Variants in AXIN2 observed in about 807,000 individuals in gnomAD.
AXIN2 encodes axin-2.
A neutral mutation model predicts 74.7 loss-of-function variants in AXIN2; 21 were observed. That is an observed-to-expected ratio of 0.28 (90% CI 0.20 to 0.40). The LOEUF (loss-of-function observed/expected upper bound fraction) is 0.40. Ranked by LOEUF, AXIN2 falls within the 10% of genes least tolerant of loss-of-function variation. The pLI, the probability that AXIN2 is intolerant of heterozygous loss-of-function variation, is 1.00. For missense variants in AXIN2, 1,144 were observed against 1,111.1 expected (o/e 1.03, Z -0.42); for synonymous variants, 532 against 454.9 (o/e 1.17, Z -2.16).
chr17:65,533,877 A>G (rs758769764), intron 10 of AXIN2, 35 bp downstream of exon 10: 1 of 1,606,148 alleles, frequency 6.2e-7, no homozygotes, highest in Admixed American at 1.7e-5. Flanking sequence ...CTGAGCAAAC[A>G]AACTGAGAGC....
At position 65,536,433 on chromosome 17, in the gene AXIN2, G is replaced by T; in HGVS notation, c.2028C>A (p.Ala676=). ...NSGHPRTTPR[A]HLFTQDPAMP... ...TCGCAGGGTCCTGGGTGAACAGGTG[G>T]GCACGGGGGGTGGTGCGGGGGTGCC... The change falls in exon 8 of 11, where the codon GCC becomes GCA. Residue 676 remains alanine (A), a synonymous_variant. Coordinates refer to ENST00000307078, the MANE Select transcript of AXIN2 (RefSeq NM_004655.4). 6.2e-7 allele frequency: 1 copy of T among 1,613,478 alleles called. No homozygotes were observed. Among genetic ancestry groups the T allele is most frequent in the Non-Finnish European group, 8.5e-7 (1 of 1,179,986 alleles).
At chr17:65,538,794 A>G (rs1479549918) in intron 4 of AXIN2, among the ~76,000 whole-genome samples, 2 of 151,880 alleles carry the variant, frequency 1.3e-5, no homozygotes, top group African/African-American at 4.8e-5. Flanking sequence ...ATTTAAAAAA[A>G]TAAGATTGGA....
At position 65,537,753 on chromosome 17, in the gene AXIN2, G is replaced by C. The variant is rs1426652719; in HGVS notation, c.1283C>G (p.Ser428Cys). 1 of 1,578,652 alleles carries C rather than the reference G, an allele frequency of 6.3e-7. No individual in the cohort carries two copies. Among genetic ancestry groups the C allele is most frequent in the African/African-American group, 1.3e-5 (1 of 74,196 alleles). Residue 428 changes from serine to cysteine, a missense_variant, in exon 6 of 11, where the codon TCC becomes TGC. This residue lies in a region of AXIN2 where 1,053 missense variants were observed against 973.5 expected (regional missense o/e 1.08). Coordinates refer to ENST00000307078, the MANE Select transcript of AXIN2 (RefSeq NM_004655.4). ...CTGCGGGTCTTCCTCGTAGCTGCCG[G>C]AGGGCAGTAGGGAGAGGGGGTGCTG... ...PTQHPLSLLP[S>C]GSYEEDPQTI...
In AXIN2 at chr17:65,546,986, AC is replaced by A. The variant is rs146728646; in HGVS notation, c.956+2533del. ...CCAAGTGGACCTCACTGAACTACACACTAACCCTTGCCACCTAGAATAGGGA... is the reference window on the plus strand; with the variant it reads ...CCAAGTGGACCTCACTGAACTACACATAACCCTTGCCACCTAGAATAGGGA... On this transcript the variant is annotated intron_variant, in intron 3 of 10. Transcript: ENST00000307078. 8.5e-3 allele frequency among the ~76,000 whole-genome samples: 1,298 copies of A among 152,288 alleles called. 16 individuals carry two copies. Among genetic ancestry groups the A allele is most frequent in the African/African-American group, 0.029 (1,210 of 41,564 alleles).
chr17:65,538,385 G>A (rs201104922), intron 4 of AXIN2, 42 bp from the exon 5 acceptor site: 1 of 1,611,430 alleles, frequency 6.2e-7, no homozygotes, highest in Non-Finnish European at 8.5e-7. Flanking sequence ...ACGTTCAGCA[G>A]GCTAGGTGGG....
At chr17:65,549,469 G>A (rs749663042) in intron 3 of AXIN2, 51 bp downstream of exon 3, 18 of 1,608,052 alleles carry the variant, frequency 1.1e-5, no homozygotes, top group Middle Eastern at 2.0e-4. Flanking sequence ...TAAGTGCTCA[G>A]GTGGCATCCA....
chr17:65,559,777 G>A (rs768517939), intron 1 of AXIN2, among the ~76,000 whole-genome samples: 3 of 152,254 alleles, frequency 2.0e-5, no homozygotes, highest in Non-Finnish European at 4.4e-5. Context: ...AGAAGGGTAG[G>A]GGCTGAACGG....
intron 2 of AXIN2, among the ~76,000 whole-genome samples, chr17:65,550,000 T>G (rs1186676084): frequency 6.6e-6 from 1 of 152,180 alleles, no homozygotes; most frequent in African/African-American, 2.4e-5. Context: ...GGCCATGGAA[T>G]AGAAGAGGGG....
intron 1 of AXIN2, chr17:65,560,363 G>C (rs1452318316): frequency 6.6e-6 from 1 of 151,976 alleles, no homozygotes; most frequent in Admixed American, 6.5e-5. Context: ...ACCCGCGGCA[G>C]GGAGGGGAAA....
chr17:65,537,992 GCA>G, intron 5 of AXIN2, 157 bp from the exon 6 acceptor site: 2 of 1,323,336 alleles, frequency 1.5e-6, no homozygotes, highest in Non-Finnish European at 2.1e-6. Context: ...GCCTACACAA[GCA>G]CATATCCACA....
At position 65,541,363 on chromosome 17, in the gene AXIN2, C is replaced by CCTAT. The variant is rs1242628070; in HGVS notation, c.1059+88_1059+91dup. The CCTAT allele has an allele frequency of 4.5e-5, 53 of 1,178,674 alleles. No homozygotes were observed. In the South Asian group the frequency reaches 6.1e-4, roughly 14 times the overall value. 73.0% of individuals were successfully genotyped at this position (1,178,674 alleles called of 1,614,324 possible). On this transcript the variant is annotated intron_variant, in intron 4 of 10. Transcript: ENST00000307078. ...TTAGGTACTGCTCTTTTCTACCTTC[C>CCTAT]CTATACCTCTCCCCATTCCACCACC... is the stretch of plus-strand genomic sequence containing the variant.
chr17:65,535,545 G>A, intron 9 of AXIN2, 81 bp downstream of exon 9: 2 of 1,414,968 alleles, frequency 1.4e-6, no homozygotes, highest in South Asian at 1.2e-5. Context: ...AAAGTTTCAT[G>A]AAAATGAAAC....
chr17:65,557,975 C>T lies in AXIN2; in HGVS notation c.646G>A (p.Gly216Arg), dbSNP rs1555583315. The stretch of plus-strand genomic sequence containing the variant: ...TAGCCACACACGACCTTTAGGCTCC[C>T]GAGTCCCCCATTACTCATGTAAGCT... ...NTAYMSNGGL[G>R]SLKVVCGYLP... Residue 216 changes from glycine to arginine, a missense_variant, in exon 2 of 11, where the codon GGG becomes AGG. Gly to Arg is a moderately radical substitution (Grantham distance 125). Transcript: ENST00000307078. 2 of 1,614,172 alleles carry T rather than the reference C, an allele frequency of 1.2e-6. No individual in the cohort carries two copies. Among genetic ancestry groups the T allele is most frequent in the Non-Finnish European group, 8.5e-7 (1 of 1,180,038 alleles).
chr17:65,536,719 G>T, intron 7 of AXIN2, 150 bp downstream of exon 7: 1 of 1,399,848 alleles, frequency 7.1e-7, no homozygotes, highest in Non-Finnish European at 1.0e-6. Flanking sequence ...ACATTTTTGT[G>T]GTCTGCTCAG....
In AXIN2 at chr17:65,530,211, C is replaced by T; in HGVS notation, c.2406-109G>A. 3 of 1,455,890 alleles carry T rather than the reference C, an allele frequency of 2.1e-6. No individual in the cohort carries two copies. In the South Asian group the frequency reaches 3.5e-5, roughly 17 times the overall value. 90.2% of individuals were successfully genotyped at this position (1,455,890 alleles called of 1,614,324 possible). On this transcript the variant is annotated intron_variant, in intron 10 of 10. Coordinates refer to ENST00000307078, the MANE Select transcript of AXIN2 (RefSeq NM_004655.4). The stretch of plus-strand genomic sequence containing the variant: ...GAGGTATCCTAGGAATTTGCTATGG[C>T]AGGTGTGCCTGTACACTGTTGCGCA...
In AXIN2 at chr17:65,538,293, A is replaced by G. The variant is rs1405139649; in HGVS notation, c.1110T>C (p.Phe370=). 1 of 1,614,180 alleles carries G rather than the reference A, an allele frequency of 6.2e-7. No homozygotes were observed. The highest frequency in any genetic ancestry group is 1.7e-5 in the Admixed American group (1 of 60,024). ...CCAGCCTCGAGATCAGCTCAGCTGC[A>G]AAGGTGGCGGGTTCCACGGGGGTCA... is the stretch of plus-strand genomic sequence containing the variant. ...KEMTPVEPAT[F]AAELISRLEK... Residue 370 remains phenylalanine (F), a synonymous_variant, in exon 5 of 11, where the codon TTT becomes TTC. Transcript: ENST00000307078.
chr17:65,554,252 TTCCTCC>T lies in AXIN2; in HGVS notation c.815+3548_815+3553del, dbSNP rs372639572. On this transcript the variant is annotated intron_variant, in intron 2 of 10. Coordinates refer to ENST00000307078, the MANE Select transcript of AXIN2 (RefSeq NM_004655.4). ...CCTCCTCCTTCTCCTCCTCTTCCTC[TTCCTCC>T]TCCTCCTCCTCACGTTCCCTTCTCA... is the stretch of plus-strand genomic sequence containing the variant. Among the ~76,000 whole-genome samples, 53 of 151,700 alleles carry T rather than the reference TTCCTCC, an allele frequency of 3.5e-4. No homozygotes were observed. In the South Asian group the frequency reaches 9.6e-3, roughly 27 times the overall value.
chr17:65,533,007 A>AG (rs1351065836), intron 10 of AXIN2, among the ~76,000 whole-genome samples: 1 of 152,216 alleles, frequency 6.6e-6, no homozygotes, highest in African/African-American at 2.4e-5. Context: ...GGCCATGGAG[A>AG]GGGGCAAGGG....
At chr17:65,557,121 A>AGT (rs2044278250) in intron 2 of AXIN2, among the ~76,000 whole-genome samples, 2 of 152,150 alleles carry the variant, frequency 1.3e-5, no homozygotes, top group African/African-American at 2.4e-5. Context: ...CAAAATAATC[A>AGT]ACTGAAGTCT....
Sources: gnomAD v4.1 joint callset for allele counts (sites outside exome capture counted in the v4.1 genomes callset) on GRCh38, gnomAD v4.1.1 for gene constraint, gnomAD v4.1.1 regional missense constraint, MANE v1.5 for transcripts, NCBI Gene and HGNC (gene_info 2026-07-23, HGNC 2026-07-21) for gene names.